The following GABRG1 variants were observed in gnomAD, a reference collection of about 807,000 sequenced individuals.
GABRG1 encodes gamma-aminobutyric acid receptor subunit gamma-1.
Under a neutral mutation model 49.8 loss-of-function variants are expected in GABRG1, and 49 were observed. That is an observed-to-expected ratio of 0.98 (90% CI 0.78 to 1.25). The LOEUF is 1.25. Ranked by LOEUF, GABRG1 falls within the 50% of genes most tolerant of loss-of-function variation. The pLI, the probability that GABRG1 is intolerant of heterozygous loss-of-function variation, is 0.00. For missense variants in GABRG1, 552 were observed against 552.3 expected (o/e 1.00, Z 0.01); for synonymous variants, 232 against 185.1 (o/e 1.25, Z -2.06).
chr4:46,046,320 T>C (rs916290945), intron 8 of GABRG1, among the ~76,000 whole-genome samples: 3 of 152,068 alleles, frequency 2.0e-5, no homozygotes, highest in Non-Finnish European at 4.4e-5. Flanking sequence ...AAAGAGCTGT[T>C]GGTGGTGGTA....
intron 3 of GABRG1, among the ~76,000 whole-genome samples, chr4:46,069,585 GGAGA>G (rs1719044632): frequency 6.6e-6 from 1 of 152,094 alleles, no homozygotes; most frequent in Non-Finnish European, 1.5e-5. Flanking sequence ...CAGCAATACA[GGAGA>G]GAGATTCAAA....
intron 1 of GABRG1, among the ~76,000 whole-genome samples, chr4:46,103,131 G>A (rs1392464000): frequency 2.6e-5 from 4 of 151,410 alleles, no homozygotes; most frequent in African/African-American, 4.8e-5. Flanking sequence ...GACACGGGAG[G>A]GAGCTTCTTC....
intron 5 of GABRG1, among the ~76,000 whole-genome samples, chr4:46,059,667 C>T (rs1249260207): frequency 6.6e-6 from 1 of 152,114 alleles, no homozygotes; most frequent in Non-Finnish European, 1.5e-5. Context: ...CTCCCCTCGG[C>T]CTCCCAAAGT....
At position 46,041,230 on chromosome 4, in the gene GABRG1, A is replaced by C; in HGVS notation, c.1156T>G (p.Ser386Ala). The C allele has an allele frequency of 6.2e-7, 1 of 1,612,582 alleles. No individual in the cohort carries two copies. Residue 386 changes from serine (S) to alanine (A), a missense_variant, in exon 9 of 9, where the codon TCC becomes GCC. By Grantham distance (99) the Ser-to-Ala change is moderately conservative (BLOSUM62 1). Transcript: ENST00000295452. Reference protein sequence around the residue: ...ASMTPGLHPGSTLIPMNNISV... With the variant: ...ASMTPGLHPGATLIPMNNISV... Reference sequence around the variant, plus strand: ...ATATTATTCATTGGAATCAGAGTGGATCCAGGATGGAGACCAGGAGTCATC... The same window carrying C: ...ATATTATTCATTGGAATCAGAGTGGCTCCAGGATGGAGACCAGGAGTCATC...
intron 3 of GABRG1, among the ~76,000 whole-genome samples, chr4:46,072,149 C>G (rs577429286): frequency 7.9e-5 from 12 of 151,996 alleles, no homozygotes; most frequent in Non-Finnish European, 1.6e-4. Context: ...GTTACAATTA[C>G]CTGTGACATT....
chr4:46,068,345 T>A (rs1033696565), intron 3 of GABRG1, among the ~76,000 whole-genome samples: 4 of 152,108 alleles, frequency 2.6e-5, no homozygotes, highest in Non-Finnish European at 5.9e-5. Flanking sequence ...GCTGCAGTAT[T>A]CCTAATTCAC....
At chr4:46,047,611 C>A (rs937907570) in intron 8 of GABRG1, among the ~76,000 whole-genome samples, 19 of 151,754 alleles carry the variant, frequency 1.3e-4, no homozygotes, top group East Asian at 1.2e-3. Flanking sequence ...TGTCTGTTTC[C>A]ACAAGAACAG....
At chr4:46,049,967 C>T (rs1028885587) in intron 8 of GABRG1, among the ~76,000 whole-genome samples, 19 of 151,774 alleles carry the variant, frequency 1.3e-4, no homozygotes, top group African/African-American at 4.6e-4. Flanking sequence ...TATTTTTATT[C>T]TAAACATCTC....
chr4:46,057,375 T>A (rs1272078153), intron 7 of GABRG1, among the ~76,000 whole-genome samples: 3 of 152,114 alleles, frequency 2.0e-5, no homozygotes, highest in African/African-American at 7.2e-5. Context: ...AAATAGAAAC[T>A]GTCTCACCTT....
intron 2 of GABRG1, among the ~76,000 whole-genome samples, chr4:46,084,650 T>C (rs1185101178): frequency 6.6e-6 from 1 of 151,690 alleles, no homozygotes; most frequent in South Asian, 2.1e-4. Context: ...AACACTTACA[T>C]AGTTTGTTTT....
At chr4:46,100,850 T>C (rs554393893) in intron 1 of GABRG1, among the ~76,000 whole-genome samples, 2 of 151,300 alleles carry the variant, frequency 1.3e-5, no homozygotes, top group East Asian at 3.9e-4. Flanking sequence ...TCAAAAATAC[T>C]ATAAAGTTAT....
At chr4:46,113,851 T>C (rs1240092823) in intron 1 of GABRG1, among the ~76,000 whole-genome samples, 2 of 151,068 alleles carry the variant, frequency 1.3e-5, no homozygotes, top group Non-Finnish European at 1.5e-5. Flanking sequence ...TGTGATCTGT[T>C]GTTCATGACA....
intron 7 of GABRG1, among the ~76,000 whole-genome samples, chr4:46,053,032 G>A (rs987648802): frequency 1.3e-5 from 2 of 151,592 alleles, no homozygotes; most frequent in African/African-American, 4.8e-5. Flanking sequence ...TCTTAACAAA[G>A]TTTTTCAACT....
intron 8 of GABRG1, among the ~76,000 whole-genome samples, chr4:46,049,345 C>T (rs747297618): frequency 9.2e-5 from 14 of 151,920 alleles, no homozygotes; most frequent in South Asian, 2.1e-4. Flanking sequence ...TACACTGAAC[C>T]ATGCAAGGAG....
At chr4:46,043,733 C>A (rs1717874565) in intron 8 of GABRG1, among the ~76,000 whole-genome samples, 1 of 151,754 alleles carries the variant, frequency 6.6e-6, no homozygotes. Context: ...TAAATAAAAT[C>A]GTTTTTAAAA....
chr4:46,088,738 TAC>T (rs3069480), intron 2 of GABRG1, among the ~76,000 whole-genome samples: 7,883 of 142,580 alleles, frequency 0.055, 327 homozygotes, highest in African/African-American at 0.11. Flanking sequence ...CACTATAAAA[TAC>T]ACACACACAC....
intron 1 of GABRG1, among the ~76,000 whole-genome samples, chr4:46,106,160 C>G (rs1459577069): frequency 6.6e-6 from 1 of 151,370 alleles, no homozygotes; most frequent in Non-Finnish European, 1.5e-5. Flanking sequence ...CACCTGAGCC[C>G]CAAAAGGTTA....
Position 46,116,635 on chromosome 4 carries a change from T to C in GABRG1, c.104+7175A>G, listed in dbSNP as rs943876920. On this transcript the variant is annotated intron_variant, in intron 1 of 8. Coordinates refer to ENST00000295452, the MANE Select transcript of GABRG1 (RefSeq NM_173536.4). ...CTGAAATGAGTGTCAAATATTTTAA[T>C]TGACAAAAGATTGTCTTAGACTATT... is the stretch of plus-strand genomic sequence containing the variant. 2.7e-5 allele frequency among the ~76,000 whole-genome samples: 4 copies of C among 150,796 alleles called. No homozygotes were observed. In the East Asian group the frequency reaches 7.8e-4, roughly 29 times the overall value.
Position 46,040,568 on chromosome 4 carries a change from A to G in GABRG1, c.*420T>C, listed in dbSNP as rs1410282008. ...ATGAAAAGCAAGAAAAAACAAATTAACAGTCTTTTTTCTGGCACAAAAGTT... is the reference window on the plus strand; with the variant it reads ...ATGAAAAGCAAGAAAAAACAAATTAGCAGTCTTTTTTCTGGCACAAAAGTT... On this transcript the variant is annotated 3_prime_UTR_variant, in exon 9 of 9. Transcript: ENST00000295452. 6.5e-6 allele frequency: 1 copy of G among 152,816 alleles called. No homozygotes were observed. Among genetic ancestry groups the G allele is most frequent in the African/African-American group, 2.4e-5 (1 of 41,446 alleles). 9.5% of individuals were successfully genotyped at this position (152,816 alleles called of 1,614,324 possible). A position where few individuals can be genotyped will look rare whatever the true frequency, so the allele number is the denominator to read the frequency against.
Sources: gnomAD v4.1 joint callset for allele counts (sites outside exome capture counted in the v4.1 genomes callset) on GRCh38, gnomAD v4.1.1 for gene constraint, MANE v1.5 for transcripts, NCBI Gene and HGNC (gene_info 2026-07-23, HGNC 2026-07-21) for gene names.